Variants in DENND4A observed in about 807,000 individuals in gnomAD.
DENND4A encodes C-myc promoter-binding protein.
Under a neutral mutation model 199.3 loss-of-function variants are expected in DENND4A, and 70 were observed. The ratio of observed to expected loss-of-function variants is 0.35; its 90% CI spans 0.29 to 0.43. The LOEUF is 0.43. Among genes scored for constraint, DENND4A ranks in the 20% least tolerant of loss-of-function variants. DENND4A has a pLI of 1.00. For missense variants in DENND4A, 1,723 were observed against 2,255.8 expected, an observed-to-expected ratio of 0.76 and a Z score of 4.78; for synonymous variants, 686 against 766.9, an observed-to-expected ratio of 0.89 and a Z score of 1.74.
intron 23 of DENND4A, among the ~76,000 whole-genome samples, chr15:65,686,900 G>A (rs1414555954): frequency 1.3e-5 from 2 of 151,880 alleles, no homozygotes; most frequent in African/African-American, 4.8e-5. Flanking sequence ...ACAGGGTCTT[G>A]CTATGTTGCC....
At position 65,660,415 on chromosome 15, in the gene DENND4A, C is replaced by T. The variant is rs991237874; in HGVS notation, c.*1436G>A. ...TCCAGTCCAAGTGTCGTGGACTCTACTGGCTTTATACACCTAATTTGGGAC... is the reference window on the plus strand; with the variant it reads ...TCCAGTCCAAGTGTCGTGGACTCTATTGGCTTTATACACCTAATTTGGGAC... On this transcript the variant is annotated 3_prime_UTR_variant, in exon 33 of 33. Transcript: ENST00000443035. 1 of 935,368 alleles carries T rather than the reference C, an allele frequency of 1.1e-6. No individual in the cohort carries two copies. Among genetic ancestry groups the T allele is most frequent in the South Asian group, 1.5e-5 (1 of 66,808 alleles). The allele number at this position is 935,368 out of a possible 1,614,324, so 57.9% of individuals were successfully genotyped here. A position where few individuals can be genotyped will look rare whatever the true frequency, so the allele number is the denominator to read the frequency against.
chr15:65,737,473 C>T (rs1366019466), intron 7 of DENND4A, among the ~76,000 whole-genome samples: 1 of 151,964 alleles, frequency 6.6e-6, no homozygotes, highest in Non-Finnish European at 1.5e-5. Flanking sequence ...TCTAAACTTC[C>T]CAAGAGCATT....
At chr15:65,715,078 A>G (rs537312402) in intron 14 of DENND4A, 1 of 158,402 alleles carries the variant, frequency 6.3e-6, no homozygotes, top group South Asian at 1.9e-4. Context: ...AATTGTAGAA[A>G]TATTCAGGTA....
At chr15:65,774,285 G>A (rs2077219088) in intron 1 of DENND4A, among the ~76,000 whole-genome samples, 1 of 152,184 alleles carries the variant, frequency 6.6e-6, no homozygotes, top group Non-Finnish European at 1.5e-5. Context: ...GAGGTGGGGA[G>A]TTTGAGACCA....
intron 4 of DENND4A, among the ~76,000 whole-genome samples, chr15:65,746,905 T>TA (rs1425811811): frequency 5.5e-5 from 8 of 144,426 alleles, no homozygotes; most frequent in African/African-American, 1.0e-4. Context: ...TGTTCTCTAC[T>TA]AAAAAAATGG....
intron 12 of DENND4A, among the ~76,000 whole-genome samples, chr15:65,719,671 C>A (rs2075544280): frequency 6.6e-6 from 1 of 152,056 alleles, no homozygotes; most frequent in South Asian, 2.1e-4. Context: ...GGGAGGATCA[C>A]TTGAGCCCAG....
intron 1 of DENND4A, among the ~76,000 whole-genome samples, chr15:65,764,461 T>A (rs2076929882): frequency 6.6e-6 from 1 of 151,818 alleles, no homozygotes; most frequent in South Asian, 2.1e-4. Flanking sequence ...CGAAACCCCA[T>A]CTCTACTAAA....
chr15:65,762,344 CTG>C (rs1189254360), intron 1 of DENND4A, among the ~76,000 whole-genome samples: 1 of 151,032 alleles, frequency 6.6e-6, no homozygotes, highest in Non-Finnish European at 1.5e-5. Context: ...AAATAACAGA[CTG>C]GGCTCAGTGG....
Position 65,717,769 on chromosome 15 carries a change from G to GT in DENND4A, c.1807+8dup. The GT allele has an allele frequency of 6.3e-7, 1 of 1,582,868 alleles. No individual in the cohort carries two copies. The highest frequency in any genetic ancestry group is 1.2e-5 in the South Asian group (1 of 86,056). ...AACCTGAAAGCTTTAAAACTATGCA[G>GT]TCACTCACCTTGTAGGGCAAAGAGA... is the stretch of plus-strand genomic sequence containing the variant. On this transcript the variant is annotated intron_variant, in intron 13 of 32. Coordinates refer to ENST00000443035, the MANE Select transcript of DENND4A (RefSeq NM_001320835.1).
chr15:65,684,990 A>G (rs985913018), intron 23 of DENND4A, among the ~76,000 whole-genome samples: 2 of 151,684 alleles, frequency 1.3e-5, no homozygotes, highest in Non-Finnish European at 2.9e-5. Flanking sequence ...ATGCCTGGCT[A>G]ATCTTTCGTA....
At chr15:65,712,127 A>G (rs959692757) in intron 14 of DENND4A, among the ~76,000 whole-genome samples, 3 of 152,218 alleles carry the variant, frequency 2.0e-5, no homozygotes, top group Non-Finnish European at 4.4e-5. Context: ...TTCAAGAAAG[A>G]ACTAGGGATG....
chr15:65,679,202 A>G (rs2076486654), intron 23 of DENND4A, among the ~76,000 whole-genome samples: 1 of 150,924 alleles, frequency 6.6e-6, no homozygotes. Context: ...CCCAGGTTCA[A>G]GTGATTCTCC....
At position 65,702,896 on chromosome 15, in the gene DENND4A, G is replaced by C. The variant is rs776351553; in HGVS notation, c.2200C>G (p.Pro734Ala). The change falls in exon 16 of 33, where the codon CCC (proline) becomes GCC (alanine). Residue 734 changes from proline (P) to alanine (A), a missense_variant. Pro to Ala is a conservative substitution (Grantham distance 27, BLOSUM62 -1). Around this residue, in one of 6 missense-constraint regions of DENND4A, gnomAD observed 725 missense variants for 952.9 expected, o/e 0.76. Transcript: ENST00000443035. The part of the protein sequence containing the change: ...SKSSSPNSPL[P>A]MFRRTKQEIK... ...ACCTGTTTTGTTCTTCTGAACATGG[G>C]CAAAGGGCTATTAGGACTACTTGAT... is the stretch of plus-strand genomic sequence containing the variant. The C allele has an allele frequency of 6.2e-7, 1 of 1,612,834 alleles. No homozygotes were observed. The highest frequency in any genetic ancestry group is 8.5e-7 in the Non-Finnish European group (1 of 1,179,270).
intron 1 of DENND4A, among the ~76,000 whole-genome samples, chr15:65,765,609 C>G (rs989126156): frequency 2.0e-5 from 3 of 152,192 alleles, no homozygotes; most frequent in Admixed American, 2.0e-4. Context: ...TTGTATTCAT[C>G]TGTGTGTGTG....
chr15:65,727,759 T>C, intron 11 of DENND4A: 1 of 279,968 alleles, frequency 3.6e-6, no homozygotes, highest in Non-Finnish European at 6.9e-6. Flanking sequence ...GTGCATCAAT[T>C]TCCTCTTCCC....
intron 12 of DENND4A, among the ~76,000 whole-genome samples, chr15:65,721,237 T>C (rs951840135): frequency 6.6e-6 from 1 of 151,978 alleles, no homozygotes; most frequent in African/African-American, 2.4e-5. Flanking sequence ...ATGATTTATT[T>C]GTTCCATAAG....
intron 5 of DENND4A, among the ~76,000 whole-genome samples, chr15:65,741,089 A>G (rs2076249297): frequency 1.3e-5 from 2 of 151,926 alleles, no homozygotes; most frequent in African/African-American, 2.4e-5. Flanking sequence ...AGGCTGGTAT[A>G]TATGTATATA....
At chr15:65,735,730 C>G (rs893743690) in intron 7 of DENND4A, among the ~76,000 whole-genome samples, 6 of 152,158 alleles carry the variant, frequency 3.9e-5, no homozygotes, top group Non-Finnish European at 7.4e-5. Flanking sequence ...TTTGGAAATA[C>G]ACTTGTGCAA....
intron 4 of DENND4A, among the ~76,000 whole-genome samples, chr15:65,749,835 C>T (rs2076512439): frequency 6.6e-6 from 1 of 152,102 alleles, no homozygotes; most frequent in South Asian, 2.1e-4. Flanking sequence ...ACTGCCACAG[C>T]GTTTTCAGAA....
Sources: gnomAD v4.1 joint callset for allele counts (sites outside exome capture counted in the v4.1 genomes callset) on GRCh38, gnomAD v4.1.1 for gene constraint, gnomAD v4.1.1 regional missense constraint, MANE v1.5 for transcripts, NCBI Gene and HGNC (gene_info 2026-07-23, HGNC 2026-07-21) for gene names.